Variants in TG observed in about 807,000 individuals in gnomAD.
TG encodes the protein thyroid hormones.
A neutral mutation model predicts 324.7 loss-of-function variants in TG; 270 were observed. That is an observed-to-expected ratio of 0.83 (90% CI 0.75 to 0.92). TG has a LOEUF of 0.92. Among genes scored for constraint, TG ranks in the 40% least tolerant of loss-of-function variants. The pLI, the probability that TG is intolerant of heterozygous loss-of-function variation, is 0.00. For synonymous variants in TG, 1,401 were observed against 1,327.0 expected (o/e 1.06, Z -1.21); for missense variants, 3,591 against 3,456.4 (o/e 1.04, Z -0.98).
At chr8:132,895,050 C>A (rs1816901030) in intron 11 of TG, among the ~76,000 whole-genome samples, 1 of 152,246 alleles carries the variant, frequency 6.6e-6, no homozygotes, top group Non-Finnish European at 1.5e-5. Flanking sequence ...GTGCCTAGCT[C>A]TGCCTCATCC....
At chr8:132,923,286 AG>A in intron 21 of TG, 51 bp from the exon 22 acceptor site, 1 of 1,601,224 alleles carries the variant, frequency 6.2e-7, no homozygotes, top group Non-Finnish European at 8.6e-7. Context: ...AGTAGGAGTC[AG>A]GGGATTCCAG....
intron 34 of TG, among the ~76,000 whole-genome samples, chr8:132,976,024 C>A (rs1830130551): frequency 6.6e-6 from 1 of 152,104 alleles, no homozygotes; most frequent in South Asian, 2.1e-4. Flanking sequence ...AAGATATATT[C>A]ATTTTCCTTA....
chr8:132,901,356 C>T lies in TG; in HGVS notation c.3437C>T (p.Pro1146Leu). The T allele has an allele frequency of 6.2e-7, 1 of 1,614,110 alleles. No individual in the cohort carries two copies. Among genetic ancestry groups the T allele is most frequent in the African/African-American group, 1.3e-5 (1 of 75,062 alleles). Reference protein sequence around the residue: ...RPGSSSSAQCPSLCNVLKSGV... With the variant: ...RPGSSSSAQCLSLCNVLKSGV... ...ATCTGGCTTGTCTCTGTGTCAGGCC[C>T]AAGCCTCTGCAATGTGCTCAAGAGT... is the stretch of plus-strand genomic sequence containing the variant. Residue 1146 changes from proline to leucine, a missense_variant, in exon 16 of 48, where the codon CCA becomes CTA. By Grantham distance (98) the Pro-to-Leu change is moderately conservative (BLOSUM62 -3). Coordinates refer to ENST00000220616, the MANE Select transcript of TG (RefSeq NM_003235.5).
Position 132,986,901 on chromosome 8 carries a change from A to G in TG, c.6262+3489A>G, listed in dbSNP as rs545684291. Reference sequence around the variant, plus strand: ...TTGCGATCCTTAAGTTTTATCACTAAAAAATTATTTATTAAATTTATAGAT... The same window carrying G: ...TTGCGATCCTTAAGTTTTATCACTAGAAAATTATTTATTAAATTTATAGAT... On this transcript the variant is annotated intron_variant, in intron 35 of 47. Coordinates refer to ENST00000220616, the MANE Select transcript of TG (RefSeq NM_003235.5). Among the ~76,000 whole-genome samples, 44 of 152,316 alleles carry G rather than the reference A, an allele frequency of 2.9e-4. No individual in the cohort carries two copies. In the South Asian group the frequency reaches 8.9e-3, roughly 31 times the overall value.
intron 26 of TG, among the ~76,000 whole-genome samples, chr8:132,942,838 T>C (rs1824649957): frequency 6.6e-6 from 1 of 152,132 alleles, no homozygotes; most frequent in South Asian, 2.1e-4. Context: ...CCAGGCTTTG[T>C]GGGATGAGCA....
chr8:132,970,885 G>T (rs1829408412), intron 32 of TG, among the ~76,000 whole-genome samples: 1 of 152,198 alleles, frequency 6.6e-6, no homozygotes, highest in Non-Finnish European at 1.5e-5. Flanking sequence ...GAAAAGCAGA[G>T]AGGTGACTTG....
intron 35 of TG, among the ~76,000 whole-genome samples, chr8:133,011,642 A>C (rs1834518837): frequency 1.3e-5 from 2 of 152,192 alleles, no homozygotes; most frequent in Non-Finnish European, 2.9e-5. Flanking sequence ...TGCTTAATAG[A>C]AACAGCCATG....
intron 41 of TG, among the ~76,000 whole-genome samples, chr8:133,067,809 A>AAAGAAAGG (rs1843244656): frequency 6.7e-6 from 1 of 149,936 alleles, no homozygotes; most frequent in African/African-American, 2.5e-5. Flanking sequence ...AGAAAGAAAG[A>AAAGAAAGG]AAGGAAGGAA....
chr8:132,954,962 G>T (rs557789907), intron 27 of TG, among the ~76,000 whole-genome samples: 1 of 152,288 alleles, frequency 6.6e-6, no homozygotes, highest in Non-Finnish European at 1.5e-5. Context: ...AGGGGCAAGG[G>T]AAACACATGG....
At chr8:132,943,101 C>G (rs1458093989) in intron 26 of TG, among the ~76,000 whole-genome samples, 2 of 152,086 alleles carry the variant, frequency 1.3e-5, no homozygotes, top group African/African-American at 4.8e-5. Flanking sequence ...TATAAGAGCC[C>G]CTTGTCTTAC....
rs545890007 is a variant in TG at position 133,034,209 on chromosome 8, A to G, written c.7239+4186A>G. ...ACATAGACTTGGTCATTAATTTCAG[A>G]AAAAAAACTACATTGTAATGGTGTT... On this transcript the variant is annotated intron_variant, in intron 41 of 47. Coordinates refer to ENST00000220616, the MANE Select transcript of TG (RefSeq NM_003235.5). Among the ~76,000 whole-genome samples the G allele has an allele frequency of 7.2e-5, 11 of 152,176 alleles. No homozygotes were observed. In the South Asian group the frequency reaches 2.3e-3, roughly 32 times the overall value.
At chr8:132,906,387 G>T (rs1259742671) in intron 16 of TG, among the ~76,000 whole-genome samples, 1 of 152,060 alleles carries the variant, frequency 6.6e-6, no homozygotes, top group Non-Finnish European at 1.5e-5. Flanking sequence ...AGACCAGGTG[G>T]TAACTAATTG....
At chr8:133,049,823 G>T in intron 41 of TG, 2 of 965,884 alleles carry the variant, frequency 2.1e-6, no homozygotes, top group Non-Finnish European at 3.4e-6. Context: ...CACTATGAAT[G>T]CTGGAATCTT....
In TG at chr8:132,908,258, G is replaced by A. The variant is rs1050964101; in HGVS notation, c.3920G>A (p.Ser1307Asn). 6.2e-7 allele frequency: 1 copy of A among 1,614,002 alleles called. No individual in the cohort carries two copies. Among genetic ancestry groups the A allele is most frequent in the East Asian group, 2.2e-5 (1 of 44,840 alleles). Residue 1307 changes from serine (S) to asparagine (N), a missense_variant, in exon 18 of 48, where the codon AGT becomes AAT. By Grantham distance (46) the Ser-to-Asn change is conservative. Coordinates refer to ENST00000220616, the MANE Select transcript of TG (RefSeq NM_003235.5). ...CAGCTCCCGCCGGGCAAGATGTGCA[G>A]TGCTGACTACGCGGATTTGCTGCAG... ...QLQLPPGKMC[S>N]ADYADLLQTF...
At chr8:132,996,341 T>C (rs780028235) in intron 35 of TG, among the ~76,000 whole-genome samples, 4 of 152,234 alleles carry the variant, frequency 2.6e-5, no homozygotes, top group Non-Finnish European at 5.9e-5. Context: ...TGAGGTTTTG[T>C]AGTATGTGAA....
At chr8:133,099,410 G>C (rs1301206292) in intron 43 of TG, among the ~76,000 whole-genome samples, 2 of 152,232 alleles carry the variant, frequency 1.3e-5, no homozygotes, top group African/African-American at 4.8e-5. Flanking sequence ...TGCAGCAGGA[G>C]AGTAGTGACG....
chr8:133,026,327 C>T (rs1184513654), intron 40 of TG, among the ~76,000 whole-genome samples: 1 of 152,228 alleles, frequency 6.6e-6, no homozygotes, highest in African/African-American at 2.4e-5. Flanking sequence ...CGTGCCAGTC[C>T]TGAGGCCCAC....
At chr8:133,116,426 A>G (rs1850691259) in intron 44 of TG, among the ~76,000 whole-genome samples, 183 bp from the exon 45 acceptor site, 1 of 152,174 alleles carries the variant, frequency 6.6e-6, no homozygotes, top group South Asian at 2.1e-4. Flanking sequence ...TGGCTTTCCC[A>G]TCAATGTGGC....
intron 41 of TG, among the ~76,000 whole-genome samples, chr8:133,082,439 GGCCTTAATC>G (rs1388074483): frequency 1.3e-5 from 2 of 152,164 alleles, no homozygotes; most frequent in African/African-American, 4.8e-5. Flanking sequence ...ACTTTCTTAA[GGCCTTAATC>G]GTTTTTGATT....
Sources: gnomAD v4.1 joint callset for allele counts (sites outside exome capture counted in the v4.1 genomes callset) on GRCh38, gnomAD v4.1.1 for gene constraint, MANE v1.5 for transcripts, NCBI Gene and HGNC (gene_info 2026-07-23, HGNC 2026-07-21) for gene names.